Variants in VPS53 observed in about 807,000 individuals in gnomAD.
VPS53 encodes VPS53 subunit of GARP complex.
In VPS53, 70 loss-of-function variants were observed where a neutral mutation model predicts 107.0. The observed-to-expected ratio is 0.65, with a 90% CI of 0.54 to 0.80. The LOEUF (loss-of-function observed/expected upper bound fraction) is 0.80. VPS53 is among the 30% of genes least tolerant of loss of function. VPS53 has a pLI of 0.00. For missense variants in VPS53, 917 were observed against 1,049.4 expected (o/e 0.87, Z 1.74); for synonymous variants, 409 against 393.3 (o/e 1.04, Z -0.47).
chr17:616,245 C>G, intron 11 of VPS53: 1 of 151,974 alleles, frequency 6.6e-6, no homozygotes, highest in East Asian at 1.9e-4. Flanking sequence ...GGTAGGAGGA[C>G]GAAGTTGAAT....
intron 4 of VPS53, among the ~76,000 whole-genome samples, chr17:677,210 G>T (rs1304989940): frequency 6.6e-6 from 1 of 152,158 alleles, no homozygotes; most frequent in East Asian, 1.9e-4. Context: ...AGTGTCCATG[G>T]ACAGATGAAT....
chr17:543,843 GGGAGGGAA>G (rs1341211728), intron 17 of VPS53, among the ~76,000 whole-genome samples: 3 of 81,976 alleles, frequency 3.7e-5, no homozygotes, highest in African/African-American at 1.2e-4. Context: ...GAGGGAGGGA[GGGAGGGAA>G]GGAGGGAAGG....
chr17:661,344 A>T (rs1177191981), intron 5 of VPS53, among the ~76,000 whole-genome samples: 15 of 151,628 alleles, frequency 9.9e-5, no homozygotes, highest in Admixed American at 7.2e-4. Flanking sequence ...ACATGGTGAA[A>T]CCCTTTCTCT....
intron 15 of VPS53, among the ~76,000 whole-genome samples, chr17:558,660 A>G (rs75559608): frequency 1.3e-5 from 2 of 151,162 alleles, no homozygotes; most frequent in African/African-American, 2.4e-5. Flanking sequence ...TTGAAGCACT[A>G]TAAACAACGA....
rs1327525872 is a variant in VPS53, at chr17:518,230, G to C, written c.*898C>G. On this transcript the variant is annotated 3_prime_UTR_variant, in exon 22 of 22. Coordinates refer to ENST00000437048, the MANE Select transcript of VPS53 (RefSeq NM_001128159.3). ...GATGCAGGATGACATGAGAGGTCGG[G>C]AGCAGTCTCTTCGGCAAGCCCTGCT... 6.7e-6 allele frequency: 1 copy of C among 149,180 alleles called. No individual in the cohort carries two copies. The highest frequency in any genetic ancestry group is 1.5e-5 in the Non-Finnish European group (1 of 66,912). The allele number at this position is 149,180 out of a possible 1,614,324, so 9.2% of individuals were successfully genotyped here.
At position 554,021 on chromosome 17, in the gene VPS53, G is replaced by C. The variant is rs141631141; in HGVS notation, c.1705-559C>G. On this transcript the variant is annotated intron_variant, in intron 15 of 21. Coordinates refer to ENST00000437048, the MANE Select transcript of VPS53 (RefSeq NM_001128159.3). ...TGCCCTTTAGCACTGTGCAGTACTT[G>C]TTTCTTACCACACATCAATAATTCA... 6.6e-5 allele frequency among the ~76,000 whole-genome samples: 10 copies of C among 152,262 alleles called. No individual in the cohort carries two copies. In the East Asian group the frequency reaches 1.9e-3, roughly 29 times the overall value.
rs1049832741 is a variant in VPS53, at chr17:524,513, C to T, written c.2086-2775G>A. On this transcript the variant is annotated intron_variant, in intron 19 of 21. Transcript: ENST00000437048. The surrounding 1 kb of genome is among the most constrained non-coding windows in gnomAD (Gnocchi z 4.5). ...GGTTCCGAACATGAAGATTCCTACA[C>T]ATCAACAGGAAAAGCACAAACTATC... Among the ~76,000 whole-genome samples the T allele has an allele frequency of 1.3e-5, 2 of 152,200 alleles. No individual in the cohort carries two copies. Among genetic ancestry groups the T allele is most frequent in the African/African-American group, 4.8e-5 (2 of 41,450 alleles).
chr17:649,553 T>C (rs1336741153), intron 7 of VPS53, among the ~76,000 whole-genome samples: 1 of 115,284 alleles, frequency 8.7e-6, no homozygotes, highest in Non-Finnish European at 2.0e-5. Flanking sequence ...GCACTGAAGA[T>C]CTTACACTGG....
intron 7 of VPS53, among the ~76,000 whole-genome samples, chr17:633,065 G>GT (rs1970028021): frequency 6.6e-6 from 1 of 152,192 alleles, no homozygotes; most frequent in African/African-American, 2.4e-5. Context: ...AACAGTGGCC[G>GT]TGAGTGTACT....
At chr17:692,455 G>A (rs1210188799) in intron 4 of VPS53, among the ~76,000 whole-genome samples, 1 of 152,112 alleles carries the variant, frequency 6.6e-6, no homozygotes, top group Non-Finnish European at 1.5e-5. Flanking sequence ...GTTCAAGCTG[G>A]CCCACATAGA....
intron 2 of VPS53, among the ~76,000 whole-genome samples, chr17:700,060 A>C (rs1213201832): frequency 6.6e-6 from 1 of 152,176 alleles, no homozygotes; most frequent in African/African-American, 2.4e-5. Context: ...TTGTACCCTT[A>C]AGATTTGTGT....
intron 19 of VPS53, 57 bp from the exon 20 acceptor site, chr17:521,795 G>A: frequency 7.2e-7 from 1 of 1,388,412 alleles, no homozygotes; most frequent in Non-Finnish European, 9.5e-7. Context: ...GTGCCGAGTG[G>A]ACTCATGCCG....
At chr17:640,311 G>T (rs1408984769) in intron 7 of VPS53, among the ~76,000 whole-genome samples, 1 of 152,260 alleles carries the variant, frequency 6.6e-6, no homozygotes, top group East Asian at 1.9e-4. Context: ...ACCTTTGCTT[G>T]TCTATGAAAG....
Position 567,800 on chromosome 17 carries a change from G to A in VPS53, c.1314-5055C>T, listed in dbSNP as rs1022466755. On this transcript the variant is annotated intron_variant, in intron 13 of 21. Transcript: ENST00000437048. ...GTTACTTGGGAGGCTGAGGGAGGAC[G>A]ATCATTTGAGCCCAGGAGTTTGAGG... Among the ~76,000 whole-genome samples the A allele has an allele frequency of 1.5e-4, 22 of 149,832 alleles. 1 individual carries two copies. The highest frequency in any genetic ancestry group is 4.3e-4 in the South Asian group (2 of 4,624).
intron 4 of VPS53, among the ~76,000 whole-genome samples, chr17:675,905 A>G (rs995499740): frequency 6.6e-6 from 1 of 152,184 alleles, no homozygotes; most frequent in East Asian, 1.9e-4. Context: ...TATCACATAC[A>G]ATACCTAGAA....
At chr17:605,831 G>A (rs529730721) in intron 11 of VPS53, among the ~76,000 whole-genome samples, 32 of 152,108 alleles carry the variant, frequency 2.1e-4, no homozygotes, top group African/African-American at 7.0e-4. Flanking sequence ...GAGGGGTGGC[G>A]GGAGCCCCAT....
Position 579,480 on chromosome 17 carries a change from C to G in VPS53, c.1313+6790G>C, listed in dbSNP as rs184653636. 8.7e-4 allele frequency among the ~76,000 whole-genome samples: 132 copies of G among 151,456 alleles called. 1 individual carries two copies. The highest frequency in any genetic ancestry group is 3.1e-3 in the African/African-American group (126 of 41,252). On this transcript the variant is annotated intron_variant, in intron 13 of 21. Coordinates refer to ENST00000437048, the MANE Select transcript of VPS53 (RefSeq NM_001128159.3). ...TAATGCGTTCCCACAGAACTTCCCT[C>G]AGAACCTCAGTGCGTTTCCAGAGAA...
chr17:589,918 T>G (rs1403085429), intron 12 of VPS53, among the ~76,000 whole-genome samples: 2 of 151,986 alleles, frequency 1.3e-5, no homozygotes, highest in Admixed American at 6.6e-5. Context: ...GTGAAGAAAG[T>G]CATTGGTAGC....
intron 17 of VPS53, chr17:538,163 A>G (rs1910261300): frequency 6.6e-6 from 1 of 152,296 alleles, no homozygotes; most frequent in Non-Finnish European, 1.5e-5. Context: ...CTGGGAACAG[A>G]AGGAGGCAAT....
Sources: gnomAD v4.1 joint callset for allele counts (sites outside exome capture counted in the v4.1 genomes callset) on GRCh38, gnomAD v4.1.1 for gene constraint, Gnocchi (gnomAD v3.1) non-coding constraint, MANE v1.5 for transcripts, NCBI Gene and HGNC (gene_info 2026-07-23, HGNC 2026-07-21) for gene names.